The following ASCC2 variants were observed in gnomAD, a reference collection of about 807,000 sequenced individuals.
The protein encoded by ASCC2 is activating signal cointegrator 1 complex subunit 2, also known as ASC-1 complex subunit P100.
ASCC2 carries 42 observed loss-of-function variants against 93.5 expected under a neutral mutation model. The ratio of observed to expected loss-of-function variants is 0.45; its 90% CI spans 0.35 to 0.58. The LOEUF (loss-of-function observed/expected upper bound fraction) is 0.58, where lower values mean the gene tolerates loss of function less well. Ranked by LOEUF, ASCC2 falls within the 20% of genes least tolerant of loss-of-function variation. ASCC2 has a pLI of 0.00. For synonymous variants in ASCC2, 364 were observed against 384.2 expected (o/e 0.95, Z 0.62); for missense variants, 859 against 977.6 (o/e 0.88, Z 1.62).
intron 1 of ASCC2, chr22:29,833,758 C>CCCAGTTTAA (rs1165373014): frequency 1.1e-4 from 39 of 365,074 alleles, no homozygotes; most frequent in Non-Finnish European, 1.9e-4. Context: ...AAACTGTCAC[C>CCCAGTTTAA]TCTTGAGCCT....
At chr22:29,829,138 T>C (rs111907377) in intron 2 of ASCC2, among the ~76,000 whole-genome samples, 19,671 of 152,118 alleles carry the variant, frequency 0.13, 1,477 homozygotes, top group South Asian at 0.24. Flanking sequence ...ATCATGCCAC[T>C]GCACCCCAGC....
intron 15 of ASCC2, among the ~76,000 whole-genome samples, chr22:29,799,913 G>C (rs985470525): frequency 6.6e-6 from 1 of 152,142 alleles, no homozygotes; most frequent in African/African-American, 2.4e-5. Context: ...TCAGCCTCCA[G>C]AGTAGCTGGA....
rs1257181000 is a variant in ASCC2, at chr22:29,788,642, CTTT to C, written c.*368_*370del. On this transcript the variant is annotated 3_prime_UTR_variant, in exon 20 of 20. Transcript: ENST00000307790. ...AGGGTCAAAAATTTTATTAGCAGGA[CTTT>C]TTGTGTTTTTGAATATACAGGTTTC... 2 of 249,118 alleles carry C rather than the reference CTTT, an allele frequency of 8.0e-6. No homozygotes were observed. Among genetic ancestry groups the C allele is most frequent in the African/African-American group, 2.2e-5 (1 of 44,578 alleles). The allele number at this position is 249,118 out of a possible 1,614,324, so 15.4% of individuals were successfully genotyped here.
chr22:29,797,817 G>A (rs546234770), intron 15 of ASCC2, among the ~76,000 whole-genome samples: 4 of 152,270 alleles, frequency 2.6e-5, no homozygotes, highest in South Asian at 4.1e-4. Context: ...CCAGGATGGC[G>A]TGCAATGGTG....
chr22:29,811,023 G>A (rs751653477), intron 8 of ASCC2, among the ~76,000 whole-genome samples: 3 of 152,050 alleles, frequency 2.0e-5, no homozygotes, highest in Admixed American at 6.6e-5. Context: ...GAGCCACTGC[G>A]CCTGGCCTCT....
chr22:29,799,350 G>C (rs373974939), intron 15 of ASCC2: 1 of 152,308 alleles, frequency 6.6e-6, no homozygotes, highest in Admixed American at 6.5e-5. Context: ...CTGGGATCTG[G>C]GGGTGTTGCA....
Position 29,832,284 on chromosome 22 carries a change from C to T in ASCC2, c.42G>A (p.Lys14=). The change falls in exon 2 of 20, where the codon AAG becomes AAA. Residue 14 remains lysine, a synonymous_variant. Transcript: ENST00000307790. ...TCCTCAGCTTTCCTGTCTTCGGGTCCTTGTGGGTGATCTGGAGTTGGTCCA... is the reference window on the plus strand; with the variant it reads ...TCCTCAGCTTTCCTGTCTTCGGGTCTTTGTGGGTGATCTGGAGTTGGTCCA... The part of the protein sequence containing the change: ...LPLDQLQITH[K]DPKTGKLRTS... 1.2e-6 allele frequency: 2 copies of T among 1,614,084 alleles called. No individual in the cohort carries two copies. The highest frequency in any genetic ancestry group is 2.2e-5 in the South Asian group (2 of 91,080).
chr22:29,799,989 T>C (rs753638271), intron 15 of ASCC2, among the ~76,000 whole-genome samples: 19 of 152,358 alleles, frequency 1.2e-4, no homozygotes, highest in Middle Eastern at 3.4e-3. Flanking sequence ...GGTTTCGCTA[T>C]GTTGCCCAGG....
In ASCC2 at chr22:29,789,031, T is replaced by A. The variant is rs1264999661; in HGVS notation, c.2256A>T (p.Lys752Asn). Reference sequence around the variant, plus strand: ...CCAGGTCTCAGGATGGGATCATGCCTTTGCTCCTCTTGCGGTCGGCCATGG... The same window carrying A: ...CCAGGTCTCAGGATGGGATCATGCCATTGCTCCTCTTGCGGTCGGCCATGG... ...RRTMADRKRS[K>N]GMIPS The change falls in exon 20 of 20, where the codon AAA becomes AAT. Residue 752 changes from lysine to asparagine, a missense_variant. Physicochemically the swap from Lys to Asn is moderately conservative, Grantham distance 94 (BLOSUM62 0). Transcript: ENST00000307790. The A allele has an allele frequency of 6.2e-7, 1 of 1,614,050 alleles. No individual in the cohort carries two copies. The highest frequency in any genetic ancestry group is 8.5e-7 in the Non-Finnish European group (1 of 1,180,036).
At chr22:29,816,260 G>C (rs1359155448) in intron 5 of ASCC2, among the ~76,000 whole-genome samples, 187 bp from the exon 6 acceptor site, 1 of 152,178 alleles carries the variant, frequency 6.6e-6, no homozygotes, top group Non-Finnish European at 1.5e-5. Flanking sequence ...GCCCAGCCTA[G>C]AAGCTTCCCC....
In ASCC2 at chr22:29,825,600, G is replaced by T; in HGVS notation, c.240+22C>A. The T allele has an allele frequency of 6.2e-7, 1 of 1,614,098 alleles. No individual in the cohort carries two copies. The highest frequency in any genetic ancestry group is 8.5e-7 in the Non-Finnish European group (1 of 1,179,952). On this transcript the variant is annotated intron_variant, in intron 3 of 19. Coordinates refer to ENST00000307790, the MANE Select transcript of ASCC2 (RefSeq NM_032204.5). The surrounding 1 kb of genome is among the most constrained non-coding windows in gnomAD (Gnocchi z 4.9). ...GGCATGTCATGTGCTTTGTCTTAGC[G>T]TTAATTTTGATAGAATGTTACCTGG...
intron 14 of ASCC2, among the ~76,000 whole-genome samples, chr22:29,801,652 T>C (rs758054488): frequency 6.6e-6 from 1 of 152,088 alleles, no homozygotes; most frequent in African/African-American, 2.4e-5. Context: ...CTCACAAATC[T>C]ACTGGGAAGG....
Position 29,802,093 on chromosome 22 carries a change from C to T in ASCC2, c.1469G>A (p.Cys490Tyr). 6.2e-7 allele frequency: 1 copy of T among 1,614,198 alleles called. No homozygotes were observed. Among genetic ancestry groups the T allele is most frequent in the Non-Finnish European group, 8.5e-7 (1 of 1,180,032 alleles). ...TGGGTCGTAGTGGTAGTACTCCAGGCAGGCCAGGATGAAGCCCTCACCAAG... is the reference window on the plus strand; with the variant it reads ...TGGGTCGTAGTGGTAGTACTCCAGGTAGGCCAGGATGAAGCCCTCACCAAG... ...PDLGEGFILA[C>Y]LEYYHYDPEQ... is the part of the protein sequence containing the mutation. The change falls in exon 14 of 20, where the codon TGC becomes TAC. Residue 490 changes from cysteine to tyrosine, a missense_variant. Cys to Tyr is a radical substitution (Grantham distance 194). Coordinates refer to ENST00000307790, the MANE Select transcript of ASCC2 (RefSeq NM_032204.5).
intron 12 of ASCC2, 107 bp downstream of exon 12, chr22:29,806,109 C>A (rs780193104): frequency 1.2e-4 from 150 of 1,258,460 alleles, no homozygotes; most frequent in Middle Eastern, 1.9e-4. Context: ...CTGACCCATG[C>A]GTTCTGGGGC....
chr22:29,794,905 C>T (rs753431913), intron 15 of ASCC2, among the ~76,000 whole-genome samples: 5 of 151,954 alleles, frequency 3.3e-5, no homozygotes, highest in Admixed American at 1.3e-4. Context: ...GGAAGCCCCA[C>T]GCCAAATGAC....
chr22:29,819,745 C>G (rs2061332966), intron 5 of ASCC2, among the ~76,000 whole-genome samples: 2 of 152,194 alleles, frequency 1.3e-5, no homozygotes, highest in Admixed American at 1.3e-4. Context: ...TGCTGCTGCC[C>G]TCCTGGAATG....
intron 1 of ASCC2, chr22:29,834,568 G>A (rs1324021036): frequency 2.1e-6 from 1 of 470,730 alleles, no homozygotes; most frequent in Admixed American, 2.4e-5. Flanking sequence ...AAAATCACAA[G>A]GCAAAGAAAG....
chr22:29,813,890 C>G (rs2060550310), intron 7 of ASCC2, among the ~76,000 whole-genome samples: 2 of 152,204 alleles, frequency 1.3e-5, no homozygotes, highest in South Asian at 4.1e-4. Context: ...ACATCCGAGG[C>G]AGGACAAGAA....
rs192178360 is a variant in ASCC2, at chr22:29,826,111, A to G, written c.82-331T>C. On this transcript the variant is annotated intron_variant, in intron 2 of 19. Coordinates refer to ENST00000307790, the MANE Select transcript of ASCC2 (RefSeq NM_032204.5). ...GGCAAAAGATTTATTTGTTATGAAGAAAAACCAGAGCATAGTTTTCGGTCT... is the reference window on the plus strand; with the variant it reads ...GGCAAAAGATTTATTTGTTATGAAGGAAAACCAGAGCATAGTTTTCGGTCT... 738 of 200,432 alleles carry G rather than the reference A, an allele frequency of 3.7e-3. 1 individual carries two copies. The highest frequency in any genetic ancestry group is 5.9e-3 in the South Asian group (56 of 9,472). 12.4% of individuals were successfully genotyped at this position (200,432 alleles called of 1,614,324 possible).
Sources: allele counts gnomAD v4.1 joint callset (sites outside exome capture counted in the v4.1 genomes callset), GRCh38; gene constraint gnomAD v4.1.1; non-coding constraint Gnocchi (gnomAD v3.1); transcripts MANE v1.5; gene names NCBI Gene and HGNC (gene_info 2026-07-23, HGNC 2026-07-21).